NXPE2: variants seen among roughly 807,000 people sequenced by gnomAD.
NXPE2 encodes neurexophilin and PC-esterase domain family member 2, also known as NXPE family member 2.
NXPE2 carries 34 observed loss-of-function variants against 34.4 expected under a neutral mutation model. That is an observed-to-expected ratio of 0.99 (90% confidence interval 0.75 to 1.31). The LOEUF is 1.31. NXPE2 is among the 40% of genes most tolerant of loss of function. The pLI is 0.00. For synonymous variants in NXPE2, 235 were observed against 231.3 expected, an observed-to-expected ratio of 1.02 and a Z score of -0.15; for missense variants, 649 against 672.5, an observed-to-expected ratio of 0.97 and a Z score of 0.39.
chr11:114,690,465 C>T (rs993194015), intron 2 of NXPE2, among the ~76,000 whole-genome samples: 3 of 152,152 alleles, frequency 2.0e-5, no homozygotes, highest in African/African-American at 7.2e-5. Context: ...GAGAAGTCTG[C>T]TGTTAGTCTG....
chr11:114,625,512 A>C, the NXPE2 span, among the ~76,000 whole-genome samples: 3 of 150,600 alleles, frequency 2.0e-5, no homozygotes, highest in Non-Finnish European at 3.0e-5. Context: ...CACTGTTACC[A>C]GGTGGATAAT....
the NXPE2 span, among the ~76,000 whole-genome samples, chr11:114,525,974 G>A: frequency 1.3e-5 from 2 of 152,176 alleles, no homozygotes; most frequent in Non-Finnish European, 2.9e-5. Flanking sequence ...ACCAGGGTAT[G>A]GCCTTTGAGA....
the NXPE2 span, among the ~76,000 whole-genome samples, chr11:114,566,537 G>T: frequency 2.0e-5 from 3 of 152,054 alleles, no homozygotes; most frequent in Non-Finnish European, 4.4e-5. Context: ...CATTAGTACC[G>T]CTGGCAGGAG....
At chr11:114,554,341 A>G in the NXPE2 span, 3 of 984,918 alleles carry the variant, frequency 3.0e-6, no homozygotes, top group African/African-American at 5.2e-5. Flanking sequence ...TCCTCTTCCT[A>G]CTTGTGTAAA....
the NXPE2 span, among the ~76,000 whole-genome samples, chr11:114,579,592 A>G: frequency 6.6e-6 from 1 of 152,298 alleles, no homozygotes; most frequent in South Asian, 2.1e-4. Flanking sequence ...GATACCTTAC[A>G]CCAAAGAGAA....
At chr11:114,501,988 CCTAACCATTGCA>C in the NXPE2 span, among the ~76,000 whole-genome samples, 10 of 152,270 alleles carry the variant, frequency 6.6e-5, no homozygotes, top group Admixed American at 4.6e-4. Flanking sequence ...GACAGTGTTT[CCTAACCATTGCA>C]CTATTGACAT....
the NXPE2 span, among the ~76,000 whole-genome samples, chr11:114,525,263 G>T: frequency 6.6e-6 from 1 of 151,926 alleles, no homozygotes; most frequent in Non-Finnish European, 1.5e-5. Flanking sequence ...GCATAGACCT[G>T]CCCACTGAGA....
the NXPE2 span, among the ~76,000 whole-genome samples, chr11:114,632,188 A>C: frequency 1.4e-5 from 2 of 141,404 alleles, no homozygotes; most frequent in Non-Finnish European, 3.0e-5. Flanking sequence ...TAATAAATAA[A>C]TGATCATATA....
the NXPE2 span, among the ~76,000 whole-genome samples, chr11:114,631,842 T>C: frequency 6.6e-6 from 1 of 151,342 alleles, no homozygotes; most frequent in Non-Finnish European, 1.5e-5. Flanking sequence ...TGTTACCCGG[T>C]GGATAATAAG....
At chr11:114,685,573 C>T in intron 2 of NXPE2, among the ~76,000 whole-genome samples, 1 of 152,104 alleles carries the variant, frequency 6.6e-6, no homozygotes, top group East Asian at 1.9e-4. Context: ...TCTATAGCAA[C>T]ATTGGAGATT....
chr11:114,749,655 A>G, the NXPE2 span, among the ~76,000 whole-genome samples: 1 of 152,084 alleles, frequency 6.6e-6, no homozygotes, highest in African/African-American at 2.4e-5. Context: ...TGACAAAACT[A>G]TCTCTCATTA....
At chr11:114,618,619 C>T in the NXPE2 span, among the ~76,000 whole-genome samples, 1 of 151,930 alleles carries the variant, frequency 6.6e-6, no homozygotes, top group Non-Finnish European at 1.5e-5. Context: ...TAAGTATTGC[C>T]TTGTGAGTAA....
the NXPE2 span, among the ~76,000 whole-genome samples, chr11:114,645,012 A>T: frequency 6.6e-6 from 1 of 152,032 alleles, no homozygotes; most frequent in East Asian, 1.9e-4. Flanking sequence ...CTATTAAAAA[A>T]AAAAACAGGC....
chr11:114,531,389 G>A, the NXPE2 span, among the ~76,000 whole-genome samples: 4 of 152,006 alleles, frequency 2.6e-5, no homozygotes, highest in Admixed American at 6.6e-5. Context: ...TCAAGCCACC[G>A]TCATTTATCT....
the NXPE2 span, among the ~76,000 whole-genome samples, chr11:114,633,697 G>C: frequency 6.7e-6 from 1 of 149,050 alleles, no homozygotes; most frequent in East Asian, 2.0e-4. Context: ...TCCCACCTAT[G>C]AGTGAGAACA....
At chr11:114,625,446 G>T in the NXPE2 span, among the ~76,000 whole-genome samples, 1 of 152,134 alleles carries the variant, frequency 6.6e-6, no homozygotes, top group Non-Finnish European at 1.5e-5. Context: ...AATAAGTATT[G>T]CCTCTTGGGT....
chr11:114,536,187 G>A, the NXPE2 span, among the ~76,000 whole-genome samples: 4 of 152,122 alleles, frequency 2.6e-5, no homozygotes, highest in Admixed American at 6.5e-5. Context: ...TGACTACTGG[G>A]TACATAATGA....
chr11:114,478,670 A>G, the NXPE2 span, among the ~76,000 whole-genome samples: 1 of 152,198 alleles, frequency 6.6e-6, no homozygotes, highest in Non-Finnish European at 1.5e-5. Context: ...CCTTCAGGCC[A>G]CTAATTAACT....
At chr11:114,637,110 A>C in the NXPE2 span, among the ~76,000 whole-genome samples, 1 of 151,708 alleles carries the variant, frequency 6.6e-6, no homozygotes, top group African/African-American at 2.4e-5. Flanking sequence ...GTCTCTTTGT[A>C]GGTCACTCAG....
Sources: gnomAD v4.1 joint callset for allele counts (sites outside exome capture counted in the v4.1 genomes callset) on GRCh38, gnomAD v4.1.1 for gene constraint, MANE v1.5 for transcripts, NCBI Gene and HGNC (gene_info 2026-07-23, HGNC 2026-07-21) for gene names.